The following FNBP1L variants were observed in gnomAD, a reference collection of about 807,000 sequenced individuals.
FNBP1L encodes the protein formin-binding protein 1-like.
A neutral mutation model predicts 91.2 loss-of-function variants in FNBP1L; 36 were observed. The ratio of observed to expected loss-of-function variants is 0.39; its 90% CI spans 0.30 to 0.52. The LOEUF is 0.52. FNBP1L is among the 20% of genes least tolerant of loss of function. The pLI is 0.66. For synonymous variants in FNBP1L, 242 were observed against 237.0 expected (o/e 1.02, Z -0.19); for missense variants, 571 against 732.1 (o/e 0.78, Z 2.54).
chr1:93,483,623 G>T (rs1273780254), intron 1 of FNBP1L, among the ~76,000 whole-genome samples: 1 of 152,120 alleles, frequency 6.6e-6, no homozygotes, highest in Non-Finnish European at 1.5e-5. Flanking sequence ...GTCTAGATCA[G>T]TGTTGCTTCT....
intron 11 of FNBP1L, 100 bp from the exon 12 acceptor site, chr1:93,544,007 A>C: frequency 1.3e-6 from 1 of 794,488 alleles, no homozygotes; most frequent in Non-Finnish European, 1.8e-6. Flanking sequence ...ATTTGAAATT[A>C]AACTTAAGAT....
intron 2 of FNBP1L, among the ~76,000 whole-genome samples, chr1:93,507,342 T>A (rs1670672101): frequency 6.6e-6 from 1 of 152,116 alleles, no homozygotes. Context: ...AACCTGGATT[T>A]AGAGAGGGGT....
intron 2 of FNBP1L, among the ~76,000 whole-genome samples, chr1:93,504,620 T>G (rs1274162303): frequency 3.3e-5 from 5 of 152,204 alleles, no homozygotes; most frequent in Non-Finnish European, 1.5e-5. Flanking sequence ...TCACCAGCAA[T>G]ACACAAAGCT....
intron 1 of FNBP1L, among the ~76,000 whole-genome samples, chr1:93,452,172 CTT>C (rs1336090091): frequency 1.3e-5 from 2 of 152,164 alleles, no homozygotes; most frequent in African/African-American, 4.8e-5. Flanking sequence ...CTGGATTCAT[CTT>C]TGTTTTCACT....
chr1:93,516,166 G>A (rs1390644699), intron 2 of FNBP1L, among the ~76,000 whole-genome samples: 1 of 151,780 alleles, frequency 6.6e-6, no homozygotes, highest in Admixed American at 6.6e-5. Context: ...AGCATTGTGG[G>A]ATTAAAGGAG....
intron 16 of FNBP1L, chr1:93,551,346 C>G: frequency 8.5e-7 from 1 of 1,170,620 alleles, no homozygotes; most frequent in East Asian, 3.9e-5. Context: ...TAATTGATGC[C>G]TTTTGCTTTA....
At chr1:93,468,729 C>G (rs1045843353) in intron 1 of FNBP1L, among the ~76,000 whole-genome samples, 3 of 152,152 alleles carry the variant, frequency 2.0e-5, no homozygotes, top group Non-Finnish European at 2.9e-5. Flanking sequence ...CTACACCTGG[C>G]CCGATGGACA....
At chr1:93,548,384 T>C (rs1672307141) in intron 14 of FNBP1L, among the ~76,000 whole-genome samples, 1 of 152,214 alleles carries the variant, frequency 6.6e-6, no homozygotes, top group African/African-American at 2.4e-5. Flanking sequence ...AACATTTTTC[T>C]CTGATTTAAA....
intron 2 of FNBP1L, among the ~76,000 whole-genome samples, chr1:93,517,985 G>T (rs185884806): frequency 2.0e-5 from 3 of 152,254 alleles, no homozygotes; most frequent in Admixed American, 6.5e-5. Flanking sequence ...TATATATAAA[G>T]AGTTTAGCAT....
At chr1:93,518,321 T>G (rs1671202281) in intron 2 of FNBP1L, among the ~76,000 whole-genome samples, 1 of 152,180 alleles carries the variant, frequency 6.6e-6, no homozygotes. Context: ...CCCCTTATGG[T>G]TTCAAGATAT....
Position 93,544,109 on chromosome 1 carries a change from C to A in FNBP1L, c.1167C>A (p.Gly389=). The A allele has an allele frequency of 6.2e-7, 1 of 1,601,028 alleles. No individual in the cohort carries two copies. Among genetic ancestry groups the A allele is most frequent in the African/African-American group, 1.3e-5 (1 of 74,462 alleles). ...SLKRGWSVKM[G]PALEDFSHLP... ...AATGATTTAGATTCTCTTTTCAGGG[C>A]CCAGCACTAGAAGATTTCAGTCATC... The change falls in exon 12 of 17, where the codon GGC becomes GGA. Residue 389 remains glycine, a splice_region_variant and synonymous_variant. Coordinates refer to ENST00000271234, the MANE Select transcript of FNBP1L (RefSeq NM_001164473.3).
intron 6 of FNBP1L, 46 bp from the exon 7 acceptor site, chr1:93,530,709 G>C: frequency 6.4e-7 from 1 of 1,567,156 alleles, no homozygotes; most frequent in South Asian, 1.2e-5. Flanking sequence ...AAAGTGAATT[G>C]CTGTGATTTT....
chr1:93,521,055 A>G (rs1207686060), intron 2 of FNBP1L, among the ~76,000 whole-genome samples: 2 of 151,768 alleles, frequency 1.3e-5, no homozygotes, highest in Admixed American at 6.6e-5. Context: ...AAACCAACCA[A>G]CCAACCAACC....
intron 11 of FNBP1L, among the ~76,000 whole-genome samples, chr1:93,541,590 T>C (rs941959631): frequency 5.5e-5 from 2 of 36,184 alleles, no homozygotes; most frequent in African/African-American, 1.1e-4. Flanking sequence ...GTGTGGGGGG[T>C]GGGGCGGGGC....
At chr1:93,484,580 A>T (rs1669829987) in intron 1 of FNBP1L, among the ~76,000 whole-genome samples, 1 of 152,232 alleles carries the variant, frequency 6.6e-6, no homozygotes, top group Non-Finnish European at 1.5e-5. Flanking sequence ...ATGTCAGCAC[A>T]GGGGGACCAA....
intron 2 of FNBP1L, among the ~76,000 whole-genome samples, chr1:93,518,182 C>G (rs576262555): frequency 1.0e-3 from 155 of 152,222 alleles, no homozygotes; most frequent in Non-Finnish European, 3.4e-4. Context: ...TTTTATTTAA[C>G]TCTTCTATAG....
At chr1:93,484,010 C>T (rs1379797635) in intron 1 of FNBP1L, among the ~76,000 whole-genome samples, 1 of 152,248 alleles carries the variant, frequency 6.6e-6, no homozygotes, top group Non-Finnish European at 1.5e-5. Flanking sequence ...CTCACCACAA[C>T]TTCTGCCTCC....
chr1:93,535,013 T>G (rs1671799452), intron 9 of FNBP1L, 105 bp downstream of exon 9: 3 of 886,478 alleles, frequency 3.4e-6, no homozygotes, highest in Non-Finnish European at 5.1e-6. Flanking sequence ...GAATAAATAT[T>G]TTCAATTTGA....
intron 1 of FNBP1L, among the ~76,000 whole-genome samples, chr1:93,496,928 A>G (rs1320939745): frequency 6.6e-6 from 1 of 152,210 alleles, no homozygotes; most frequent in Non-Finnish European, 1.5e-5. Flanking sequence ...CCCAGATGAC[A>G]CATAAAATTA....
Sources: allele counts gnomAD v4.1 joint callset (sites outside exome capture counted in the v4.1 genomes callset), GRCh38; gene constraint gnomAD v4.1.1; transcripts MANE v1.5; gene names NCBI Gene and HGNC (gene_info 2026-07-23, HGNC 2026-07-21).